The following ZBTB40 variants were observed in gnomAD, a reference collection of about 807,000 sequenced individuals.
ZBTB40 encodes zinc finger and BTB domain-containing protein 40.
In ZBTB40, 60 loss-of-function variants were observed where a neutral mutation model predicts 117.5. That is an observed-to-expected ratio of 0.51 (90% confidence interval 0.41 to 0.63). The LOEUF is 0.63. Among genes scored for constraint, ZBTB40 ranks in the 30% least tolerant of loss-of-function variants. ZBTB40 has a pLI of 0.00. For missense variants in ZBTB40, 1,287 were observed against 1,498.5 expected (o/e 0.86, Z 2.33); for synonymous variants, 525 against 577.1 (o/e 0.91, Z 1.29).
intron 1 of ZBTB40, among the ~76,000 whole-genome samples, chr1:22,454,585 A>G (rs1457682793): frequency 1.3e-5 from 2 of 152,238 alleles, no homozygotes; most frequent in Admixed American, 6.5e-5. Flanking sequence ...TGGGAGGAAG[A>G]ACTTTTCAGC....
At position 22,524,208 on chromosome 1, in the gene ZBTB40, T is replaced by A. The variant is rs374282664; in HGVS notation, c.3299-10T>A. The A allele has an allele frequency of 8.1e-5, 130 of 1,614,036 alleles. No homozygotes were observed. In the African/African-American group the frequency reaches 1.6e-3, roughly 19 times the overall value. On this transcript the variant is annotated splice_polypyrimidine_tract_variant and intron_variant, in intron 16 of 17. Transcript: ENST00000375647. ...CCACAGCCCTCCCCTTCTGTCTCCC[T>A]CTCCTCCAGGGTCCCAGCCATTCCG...
intron 1 of ZBTB40, among the ~76,000 whole-genome samples, chr1:22,468,637 G>A (rs1641322292): frequency 8.1e-6 from 1 of 124,188 alleles, no homozygotes; most frequent in Non-Finnish European, 1.6e-5. Context: ...CACCATGCCT[G>A]GCTGGCTTTT....
intron 9 of ZBTB40, 81 bp downstream of exon 9, chr1:22,509,314 C>G: frequency 6.3e-6 from 10 of 1,584,988 alleles, no homozygotes; most frequent in Non-Finnish European, 6.9e-6. Flanking sequence ...AGAGAGGAAC[C>G]AATAGTTGGT....
intron 1 of ZBTB40, among the ~76,000 whole-genome samples, chr1:22,445,676 T>G (rs1250729072): frequency 6.6e-6 from 1 of 151,792 alleles, no homozygotes; most frequent in East Asian, 1.9e-4. Flanking sequence ...GCCAACATGG[T>G]GAAACCCCAT....
chr1:22,486,508 A>G (rs1638471231), intron 1 of ZBTB40, among the ~76,000 whole-genome samples: 1 of 152,164 alleles, frequency 6.6e-6, no homozygotes, highest in African/African-American at 2.4e-5. Flanking sequence ...TGGAAGCAAG[A>G]GGGGATTTTT....
intron 16 of ZBTB40, 143 bp downstream of exon 16, chr1:22,522,606 G>T: frequency 2.5e-6 from 2 of 806,990 alleles, no homozygotes; most frequent in Non-Finnish European, 2.1e-6. Context: ...AACAGTTGTA[G>T]CACCTGCCTC....
chr1:22,497,164 TTAAC>T (rs1187374127), intron 3 of ZBTB40, among the ~76,000 whole-genome samples: 1 of 152,358 alleles, frequency 6.6e-6, no homozygotes, highest in South Asian at 2.1e-4. Flanking sequence ...AAGTGGATCT[TTAAC>T]TAGAATAAGG....
At chr1:22,467,618 G>C (rs547052093) in intron 1 of ZBTB40, among the ~76,000 whole-genome samples, 1 of 152,128 alleles carries the variant, frequency 6.6e-6, no homozygotes, top group East Asian at 1.9e-4. Flanking sequence ...GGGATCACAG[G>C]TGGGCACCAC....
At chr1:22,521,694 G>A (rs757083554) in intron 15 of ZBTB40, 36 bp downstream of exon 15, 5 of 1,613,948 alleles carry the variant, frequency 3.1e-6, no homozygotes, top group Middle Eastern at 1.6e-4. Flanking sequence ...GAGCGGGAGG[G>A]GCTTGATGGT....
chr1:22,499,232 C>T (rs1401057901), intron 3 of ZBTB40, among the ~76,000 whole-genome samples: 4 of 152,206 alleles, frequency 2.6e-5, no homozygotes, highest in Admixed American at 2.0e-4. Context: ...TGGGTGTCTC[C>T]GTAGGGCAGC....
intron 1 of ZBTB40, among the ~76,000 whole-genome samples, chr1:22,473,703 G>GT (rs1641470758): frequency 6.6e-6 from 1 of 152,210 alleles, no homozygotes; most frequent in Admixed American, 6.5e-5. Flanking sequence ...GGATGAGACT[G>GT]TAACTGCTCA....
chr1:22,497,135 A>C (rs1638799504), intron 3 of ZBTB40, among the ~76,000 whole-genome samples: 1 of 152,212 alleles, frequency 6.6e-6, no homozygotes, highest in Admixed American at 6.5e-5. Flanking sequence ...TCTGCTTTTA[A>C]TTAATTGTGT....
At chr1:22,505,013 CA>C (rs1275383798) in intron 5 of ZBTB40, among the ~76,000 whole-genome samples, 2 of 152,158 alleles carry the variant, frequency 1.3e-5, no homozygotes, top group Non-Finnish European at 2.9e-5. Flanking sequence ...TCTGTACTGA[CA>C]AAGAATATGA....
At chr1:22,479,219 C>T (rs1363348388) in intron 1 of ZBTB40, among the ~76,000 whole-genome samples, 2 of 152,196 alleles carry the variant, frequency 1.3e-5, no homozygotes, top group East Asian at 1.9e-4. Context: ...GGTCACTCAA[C>T]GTTCTCACCA....
At chr1:22,518,872 C>A (rs952635471) in intron 13 of ZBTB40, among the ~76,000 whole-genome samples, 23 of 152,182 alleles carry the variant, frequency 1.5e-4, no homozygotes, top group African/African-American at 5.6e-4. Context: ...CTTCCTTTCC[C>A]AGTAGCATTA....
Position 22,526,286 on chromosome 1 carries a change from G to A in ZBTB40, c.3610G>A (p.Val1204Met), listed in dbSNP as rs1335943096. 1.2e-6 allele frequency: 2 copies of A among 1,614,110 alleles called. No homozygotes were observed. The highest frequency in any genetic ancestry group is 2.7e-5 in the African/African-American group (2 of 74,940). Residue 1204 changes from valine to methionine, a missense_variant, in exon 18 of 18, where the codon GTG (valine) becomes ATG (methionine). Val to Met is a conservative substitution (Grantham distance 21, BLOSUM62 1). Transcript: ENST00000375647. Reference protein sequence around the residue: ...ETQLAGSQVFVTLPDSQASQA... With the variant: ...ETQLAGSQVFMTLPDSQASQA... ...CCAGCTTGCCGGGTCGCAGGTGTTT[G>A]TGACGTTGCCAGATTCTCAGGCATC...
intron 1 of ZBTB40, among the ~76,000 whole-genome samples, chr1:22,485,707 G>C (rs1405690733): frequency 6.6e-6 from 1 of 151,894 alleles, no homozygotes; most frequent in Non-Finnish European, 1.5e-5. Context: ...TTCTTTTCTA[G>C]TCTTCCCACT....
chr1:22,480,274 C>T (rs1262639276), intron 1 of ZBTB40, among the ~76,000 whole-genome samples: 1 of 152,110 alleles, frequency 6.6e-6, no homozygotes, highest in Non-Finnish European at 1.5e-5. Flanking sequence ...TCTGCCATTT[C>T]TGTCATTTGT....
rs138480920 is a variant in ZBTB40 at position 22,520,200 on chromosome 1, C to T, written c.2973C>T (p.Ser991=). 1.9e-6 allele frequency: 3 copies of T among 1,614,108 alleles called. No individual in the cohort carries two copies. Among genetic ancestry groups the T allele is most frequent in the Non-Finnish European group, 8.5e-7 (1 of 1,179,990 alleles). The stretch of plus-strand genomic sequence containing the variant: ...GTGGGAAGATCTTCAGTGCCCCGTC[C>T]ATGCTGGAGCGGCACGTGGTGACCC... ...PTCGKIFSAP[S]MLERHVVTHV... The change falls in exon 14 of 18, where the codon TCC becomes TCT. Residue 991 remains serine (S), a synonymous_variant. Transcript: ENST00000375647.
Sources: gnomAD v4.1 joint callset for allele counts (sites outside exome capture counted in the v4.1 genomes callset) on GRCh38, gnomAD v4.1.1 for gene constraint, MANE v1.5 for transcripts, NCBI Gene and HGNC (gene_info 2026-07-23, HGNC 2026-07-21) for gene names.